RAB3C: variants seen among roughly 807,000 people sequenced by gnomAD.
RAB3C encodes ras-related protein Rab-3C.
RAB3C carries 17 observed loss-of-function variants against 26.4 expected under a neutral mutation model. The observed-to-expected ratio is 0.64, with a 90% confidence interval of 0.44 to 0.97. The LOEUF (loss-of-function observed/expected upper bound fraction) is 0.97. Among genes scored for constraint, RAB3C ranks in the 50% least tolerant of loss-of-function variants. The probability of loss-of-function intolerance (pLI) is 0.00; values close to 1 mark genes in which losing one functional copy is unlikely to be tolerated. For synonymous variants in RAB3C, 91 were observed against 95.9 expected, an observed-to-expected ratio of 0.95 and a Z score of 0.30; for missense variants, 242 against 281.9, an observed-to-expected ratio of 0.86 and a Z score of 1.01.
intron 1 of RAB3C, among the ~76,000 whole-genome samples, chr5:58,589,176 A>G (rs1275943845): frequency 6.6e-6 from 1 of 152,068 alleles, no homozygotes; most frequent in Non-Finnish European, 1.5e-5. Context: ...TTCTACATCT[A>G]TTGATGTGAT....
chr5:58,673,760 A>G (rs1325331820), intron 2 of RAB3C, among the ~76,000 whole-genome samples: 3 of 152,168 alleles, frequency 2.0e-5, no homozygotes, highest in Non-Finnish European at 4.4e-5. Context: ...ATGTTGAAAT[A>G]CTTTTTGTGT....
intron 3 of RAB3C, chr5:58,815,731 T>C (rs1207219859): frequency 6.6e-6 from 1 of 152,218 alleles, no homozygotes; most frequent in East Asian, 1.9e-4. Context: ...ACTGTTTGAG[T>C]ACCTTCTATG....
chr5:58,815,824 G>A (rs1743203888), intron 3 of RAB3C: 1 of 152,200 alleles, frequency 6.6e-6, no homozygotes. Context: ...TATAGTCAAG[G>A]GGGGATGTGA....
intron 2 of RAB3C, among the ~76,000 whole-genome samples, chr5:58,714,263 T>C (rs1013827024): frequency 2.4e-4 from 36 of 152,228 alleles, no homozygotes; most frequent in Middle Eastern, 3.4e-3. Context: ...AATGGAACAA[T>C]AATTAGATTT....
chr5:58,780,863 TATATC>T (rs1360393896), intron 3 of RAB3C, among the ~76,000 whole-genome samples: 1 of 152,056 alleles, frequency 6.6e-6, no homozygotes, highest in Non-Finnish European at 1.5e-5. Flanking sequence ...AAATATTAAA[TATATC>T]ATAGTAGTCA....
chr5:58,685,079 T>C (rs575712549), intron 2 of RAB3C, among the ~76,000 whole-genome samples: 1 of 152,308 alleles, frequency 6.6e-6, no homozygotes, highest in Non-Finnish European at 1.5e-5. Flanking sequence ...TGTGATAGAA[T>C]CTTTATTGAC....
rs571256000 is a variant in RAB3C, at chr5:58,609,334, A to G, written c.25-8309A>G. On this transcript the variant is annotated intron_variant, in intron 1 of 4. Transcript: ENST00000282878. ...CTTCAGGAGCCCTAGCAGGTCCTCC[A>G]GTGAAGATCAGAGAAAAATGTCTCA... Among the ~76,000 whole-genome samples the G allele has an allele frequency of 2.6e-5, 4 of 152,268 alleles. No individual in the cohort carries two copies. The East Asian group carries it at 7.7e-4, about 29-fold the overall frequency.
In RAB3C at chr5:58,688,767, G is replaced by A. The variant is rs56135699; in HGVS notation, c.253-37235G>A. ...AGATTAAACTCCATAAAGATATTGC[G>A]TATCTTAGATTATTAATACTGACAC... is the stretch of plus-strand genomic sequence containing the variant. On this transcript the variant is annotated intron_variant, in intron 2 of 4. Transcript: ENST00000282878. Among the ~76,000 whole-genome samples, 359 of 152,206 alleles carry A rather than the reference G, an allele frequency of 2.4e-3. 2 individuals carry two copies. Among genetic ancestry groups the A allele is most frequent in the African/African-American group, 8.3e-3 (345 of 41,554 alleles).
intron 3 of RAB3C, chr5:58,784,722 A>G (rs1211383892): frequency 2.0e-5 from 3 of 152,184 alleles, no homozygotes; most frequent in Admixed American, 1.3e-4. Flanking sequence ...GAAATCATCT[A>G]CCTTTGCTCT....
chr5:58,835,089 A>G (rs1364127693), intron 4 of RAB3C, among the ~76,000 whole-genome samples: 2 of 152,160 alleles, frequency 1.3e-5, no homozygotes, highest in African/African-American at 4.8e-5. Flanking sequence ...ATGGTTATCC[A>G]ATCCATGAAA....
intron 3 of RAB3C, among the ~76,000 whole-genome samples, chr5:58,774,766 A>G (rs550180721): frequency 2.6e-5 from 4 of 152,176 alleles, no homozygotes; most frequent in Admixed American, 1.3e-4. Flanking sequence ...AAGACTCTGC[A>G]TTCAAAGCAG....
chr5:58,651,768 T>A (rs1373585123), intron 2 of RAB3C, among the ~76,000 whole-genome samples: 1 of 152,162 alleles, frequency 6.6e-6, no homozygotes, highest in Non-Finnish European at 1.5e-5. Flanking sequence ...CGGTATCCAC[T>A]GAGGACTGGT....
In RAB3C at chr5:58,746,780, A is replaced by G. The variant is rs569785452; in HGVS notation, c.371+20660A>G. On this transcript the variant is annotated intron_variant, in intron 3 of 4. Coordinates refer to ENST00000282878, the MANE Select transcript of RAB3C (RefSeq NM_138453.4). ...TGTTTTGCAAATCAAATGTGGTGAC[A>G]TATTCTGAAAATGTTTAAAGCTGAA... Among the ~76,000 whole-genome samples the G allele has an allele frequency of 2.0e-5, 3 of 152,382 alleles. 1 individual carries two copies. The highest frequency in any genetic ancestry group is 7.2e-5 in the African/African-American group (3 of 41,586).
chr5:58,710,817 G>A (rs1749043112), intron 2 of RAB3C, among the ~76,000 whole-genome samples: 1 of 152,068 alleles, frequency 6.6e-6, no homozygotes, highest in Admixed American at 6.6e-5. Context: ...AGATGCTGCA[G>A]CAGCTTCTAG....
intron 2 of RAB3C, among the ~76,000 whole-genome samples, chr5:58,713,596 G>T (rs1358120526): frequency 6.6e-6 from 1 of 152,218 alleles, no homozygotes; most frequent in African/African-American, 2.4e-5. Context: ...CATGTTTACA[G>T]TGTGTAAATC....
rs925242678 is a variant in RAB3C at position 58,708,561 on chromosome 5, A to G, written c.253-17441A>G. The stretch of plus-strand genomic sequence containing the variant: ...GAGAAGGATCAGTAGAGGCCAGTGC[A>G]TCTGCTCCCTGACTCTGCTACCAAG... On this transcript the variant is annotated intron_variant, in intron 2 of 4. Coordinates refer to ENST00000282878, the MANE Select transcript of RAB3C (RefSeq NM_138453.4). Among the ~76,000 whole-genome samples, 5 of 152,194 alleles carry G rather than the reference A, an allele frequency of 3.3e-5. No homozygotes were observed. In the South Asian group the frequency reaches 1.0e-3, roughly 32 times the overall value.
chr5:58,709,885 C>CTGTG (rs1189770881), intron 2 of RAB3C, among the ~76,000 whole-genome samples: 3 of 152,202 alleles, frequency 2.0e-5, no homozygotes, highest in Non-Finnish European at 4.4e-5. Context: ...CTCTAATTAG[C>CTGTG]TGTGTGATGG....
In RAB3C at chr5:58,598,326, G is replaced by C. The variant is rs372346365; in HGVS notation, c.24+15094G>C. The stretch of plus-strand genomic sequence containing the variant: ...TGAAATAATGATATTGTAGACTTCG[G>C]TGATTTTCCAAATTCAGTATCAGAG... On this transcript the variant is annotated intron_variant, in intron 1 of 4. Coordinates refer to ENST00000282878, the MANE Select transcript of RAB3C (RefSeq NM_138453.4). Among the ~76,000 whole-genome samples the C allele has an allele frequency of 3.3e-5, 5 of 151,462 alleles. No homozygotes were observed. In the South Asian group the frequency reaches 6.3e-4, roughly 19 times the overall value.
At chr5:58,690,268 C>T (rs79239185) in intron 2 of RAB3C, among the ~76,000 whole-genome samples, 73 of 152,212 alleles carry the variant, frequency 4.8e-4, no homozygotes, top group Non-Finnish European at 9.9e-4. Context: ...ACAATGGTAA[C>T]TGAATTCATT....
Sources: allele counts gnomAD v4.1 joint callset (sites outside exome capture counted in the v4.1 genomes callset), GRCh38; gene constraint gnomAD v4.1.1; transcripts MANE v1.5; gene names NCBI Gene and HGNC (gene_info 2026-07-23, HGNC 2026-07-21).